The following FHIT variants were observed in gnomAD, a reference collection of about 807,000 sequenced individuals.
FHIT encodes the protein bis(5'-adenosyl)-triphosphatase.
A neutral mutation model predicts 17.9 loss-of-function variants in FHIT; 19 were observed. The observed-to-expected ratio is 1.06, with a 90% CI of 0.74 to 1.56. FHIT has a LOEUF of 1.56. FHIT is among the 40% of genes most tolerant of loss of function. The probability of loss-of-function intolerance (pLI) is 0.00; values close to 1 mark genes in which losing one functional copy is unlikely to be tolerated. For missense variants in FHIT, 248 were observed against 189.2 expected, an observed-to-expected ratio of 1.31 and a Z score of -1.82; for synonymous variants, 81 against 69.7, an observed-to-expected ratio of 1.16 and a Z score of -0.81.
At chr3:59,878,749 C>T (rs542571134) in intron 8 of FHIT, among the ~76,000 whole-genome samples, 12 of 152,088 alleles carry the variant, frequency 7.9e-5, no homozygotes, top group Admixed American at 5.2e-4. Flanking sequence ...TATTGACGAG[C>T]GTTTAGAGAA....
In FHIT at chr3:61,213,920, G is replaced by A. The variant is rs370492956; in HGVS notation, c.-212-13255C>T. ...CCTGAATGACTACTGGGTACATAAC[G>A]AAATGAAGGCAGAAATAAAGATGTT... On this transcript the variant is annotated intron_variant, in intron 1 of 9. Transcript: ENST00000492590. Among the ~76,000 whole-genome samples the A allele has an allele frequency of 6.2e-4, 94 of 152,218 alleles. No individual in the cohort carries two copies. In the East Asian group the frequency reaches 0.016, roughly 27 times the overall value.
chr3:61,185,667 A>G (rs2038485889), intron 2 of FHIT, among the ~76,000 whole-genome samples: 1 of 152,154 alleles, frequency 6.6e-6, no homozygotes. Context: ...ATAATTCTTA[A>G]TGTTCACAAT....
chr3:60,467,005 C>T (rs543983330), intron 5 of FHIT, among the ~76,000 whole-genome samples: 8 of 151,834 alleles, frequency 5.3e-5, no homozygotes, highest in South Asian at 2.1e-4. Context: ...TCAAATCTAG[C>T]GCTTTTCTTT....
rs563031579 is a variant in FHIT at position 60,121,227 on chromosome 3, G to A, written c.104-107075C>T. Among the ~76,000 whole-genome samples, 18 of 152,114 alleles carry A rather than the reference G, an allele frequency of 1.2e-4. No individual in the cohort carries two copies. The East Asian group carries it at 3.5e-3, about 29-fold the overall frequency. ...CCTATGTCCAACATTATTATTAGTA[G>A]TAATTATCTGTTACATATTAATGCT... is the stretch of plus-strand genomic sequence containing the variant. On this transcript the variant is annotated intron_variant, in intron 5 of 9. Coordinates refer to ENST00000492590, the MANE Select transcript of FHIT (RefSeq NM_002012.4).
At chr3:60,672,399 T>G (rs1261853159) in intron 4 of FHIT, among the ~76,000 whole-genome samples, 8 of 149,250 alleles carry the variant, frequency 5.4e-5, no homozygotes, top group Admixed American at 2.0e-4. Flanking sequence ...CTGGCAGGAG[T>G]GGGGGTCGCA....
intron 5 of FHIT, among the ~76,000 whole-genome samples, chr3:60,279,798 G>A (rs1047158554): frequency 1.3e-5 from 2 of 152,026 alleles, no homozygotes; most frequent in African/African-American, 2.4e-5. Context: ...TTGGGAGGCC[G>A]AGACGGGCAG....
chr3:60,487,455 TGA>T (rs1179645830), intron 5 of FHIT, among the ~76,000 whole-genome samples: 1 of 152,120 alleles, frequency 6.6e-6, no homozygotes, highest in African/African-American at 2.4e-5. Context: ...AAGCAACAAT[TGA>T]GAGACTTCTA....
intron 3 of FHIT, among the ~76,000 whole-genome samples, chr3:60,863,125 A>G (rs1411553847): frequency 5.3e-5 from 8 of 152,154 alleles, no homozygotes; most frequent in Admixed American, 3.3e-4. Flanking sequence ...CACAAGAAAG[A>G]AAAAGATAAG....
At chr3:60,196,904 G>A (rs533866011) in intron 5 of FHIT, among the ~76,000 whole-genome samples, 35 of 151,776 alleles carry the variant, frequency 2.3e-4, no homozygotes, top group African/African-American at 5.8e-4. Context: ...GCAAAAAGCC[G>A]TATGGATCAT....
intron 5 of FHIT, among the ~76,000 whole-genome samples, chr3:60,535,600 A>T (rs1173102718): frequency 6.6e-6 from 1 of 151,996 alleles, no homozygotes; most frequent in East Asian, 1.9e-4. Context: ...TTTTTTTTTA[A>T]TAAACAGAAG....
chr3:61,250,927 T>C (rs1277274931), intron 1 of FHIT, among the ~76,000 whole-genome samples: 1 of 152,134 alleles, frequency 6.6e-6, no homozygotes, highest in Non-Finnish European at 1.5e-5. Flanking sequence ...CACAGACCTG[T>C]TGGGACGGAT....
chr3:61,049,975 C>G (rs1217338688), intron 2 of FHIT, among the ~76,000 whole-genome samples: 1 of 152,084 alleles, frequency 6.6e-6, no homozygotes, highest in African/African-American at 2.4e-5. Context: ...GTTCCCTCCC[C>G]CAGTTTATTA....
intron 3 of FHIT, among the ~76,000 whole-genome samples, chr3:60,822,486 C>G (rs1425644075): frequency 6.6e-6 from 1 of 152,136 alleles, no homozygotes; most frequent in African/African-American, 2.4e-5. Context: ...CCTTGAAACT[C>G]TGGTGTCCAC....
At chr3:59,770,387 A>G (rs905218984) in intron 8 of FHIT, among the ~76,000 whole-genome samples, 6 of 152,188 alleles carry the variant, frequency 3.9e-5, no homozygotes, top group Admixed American at 2.0e-4. Flanking sequence ...GGTCAGCCTT[A>G]ATCTAATATG....
chr3:59,786,268 C>T (rs1165146182), intron 8 of FHIT, among the ~76,000 whole-genome samples: 1 of 152,176 alleles, frequency 6.6e-6, no homozygotes, highest in African/African-American at 2.4e-5. Context: ...GCTTCCATCT[C>T]CCTCACCACT....
At chr3:59,933,825 T>C (rs1228504708) in intron 7 of FHIT, among the ~76,000 whole-genome samples, 1 of 152,144 alleles carries the variant, frequency 6.6e-6, no homozygotes, top group African/African-American at 2.4e-5. Context: ...TCATTCTAAC[T>C]ATTCTCATCT....
chr3:60,863,666 TGG>T (rs1704026193), intron 3 of FHIT, among the ~76,000 whole-genome samples: 1 of 152,194 alleles, frequency 6.6e-6, no homozygotes, highest in Admixed American at 6.6e-5. Context: ...TGATGGTCCC[TGG>T]GTGAGGTATT....
At position 61,019,726 on chromosome 3, in the gene FHIT, T is replaced by C. The variant is rs189094369; in HGVS notation, c.-111+22321A>G. 1.8e-4 allele frequency among the ~76,000 whole-genome samples: 27 copies of C among 152,322 alleles called. No homozygotes were observed. The East Asian group carries it at 2.3e-3, about 13-fold the overall frequency. On this transcript the variant is annotated intron_variant, in intron 3 of 9. Coordinates refer to ENST00000492590, the MANE Select transcript of FHIT (RefSeq NM_002012.4). ...AACATTACACAGGAACAAGCTCCCATGAACCTCTTTCACATTCCTACTCAG... is the reference window on the plus strand; with the variant it reads ...AACATTACACAGGAACAAGCTCCCACGAACCTCTTTCACATTCCTACTCAG...
rs560332401 is a variant in FHIT, at chr3:59,903,196, A to T, written c.348+19150T>A. ...AAAAGACAGTGGCACACACCACCAC[A>T]TAATGTATGATGCCATTTATATGAA... On this transcript the variant is annotated intron_variant, in intron 8 of 9. Coordinates refer to ENST00000492590, the MANE Select transcript of FHIT (RefSeq NM_002012.4). 5.3e-5 allele frequency among the ~76,000 whole-genome samples: 8 copies of T among 152,356 alleles called. No individual in the cohort carries two copies. In the East Asian group the frequency reaches 1.2e-3, roughly 22 times the overall value.
Sources: allele counts gnomAD v4.1 joint callset (sites outside exome capture counted in the v4.1 genomes callset), GRCh38; gene constraint gnomAD v4.1.1; transcripts MANE v1.5; gene names NCBI Gene and HGNC (gene_info 2026-07-23, HGNC 2026-07-21).